Variants in RAMP1 observed in about 807,000 individuals in gnomAD.
RAMP1 encodes the protein receptor activity modifying protein 1.
RAMP1 carries 7 observed loss-of-function variants against 8.2 expected under a neutral mutation model. That is an observed-to-expected ratio of 0.85 (90% CI 0.49 to 1.60). RAMP1 has a LOEUF of 1.60. Among genes scored for constraint, RAMP1 ranks in the 40% most tolerant of loss-of-function variants. The pLI, the probability that RAMP1 is intolerant of heterozygous loss-of-function variation, is 0.00. For missense variants in RAMP1, 192 were observed against 202.4 expected, an observed-to-expected ratio of 0.95 and a Z score of 0.31; for synonymous variants, 92 against 84.7, an observed-to-expected ratio of 1.09 and a Z score of -0.47.
chr2:237,864,131 G>T (rs1442245188), intron 1 of RAMP1, among the ~76,000 whole-genome samples: 1 of 152,098 alleles, frequency 6.6e-6, no homozygotes, highest in African/African-American at 2.4e-5. Context: ...GGGGGCAGGA[G>T]GGGAGGCAGA....
intron 2 of RAMP1, among the ~76,000 whole-genome samples, chr2:237,902,661 G>A (rs554531193): frequency 1.4e-4 from 21 of 152,120 alleles, no homozygotes; most frequent in Admixed American, 2.6e-4. Flanking sequence ...TGCCCTGCAC[G>A]CCTCCCCCAT....
intron 1 of RAMP1, among the ~76,000 whole-genome samples, chr2:237,871,228 G>T (rs527667069): frequency 7.9e-5 from 12 of 152,348 alleles, no homozygotes; most frequent in African/African-American, 2.9e-4. Flanking sequence ...AGAGCACCTT[G>T]GGGCTTCAGC....
chr2:237,910,027 CCCTT>C (rs1225801620), intron 2 of RAMP1, among the ~76,000 whole-genome samples: 5 of 152,198 alleles, frequency 3.3e-5, no homozygotes, highest in African/African-American at 4.8e-5. Flanking sequence ...CACCTCCACT[CCCTT>C]CCTTCTAGCC....
At position 237,900,914 on chromosome 2, in the gene RAMP1, A is replaced by G. The variant is rs192007147; in HGVS notation, c.192-10614A>G. ...TTTGAAAAGCCGGCTGAGTCTCTGT[A>G]GAATAGAACCTTTATCAGACAGTCA... is the stretch of plus-strand genomic sequence containing the variant. On this transcript the variant is annotated intron_variant, in intron 2 of 2. Coordinates refer to ENST00000254661, the MANE Select transcript of RAMP1 (RefSeq NM_005855.4). 4.6e-5 allele frequency among the ~76,000 whole-genome samples: 7 copies of G among 152,362 alleles called. No homozygotes were observed. The East Asian group carries it at 1.3e-3, about 29-fold the overall frequency.
Position 237,911,919 on chromosome 2 carries a change from A to G in RAMP1, c.*136A>G. 7.4e-7 allele frequency: 1 copy of G among 1,344,466 alleles called. No individual in the cohort carries two copies. Among genetic ancestry groups the G allele is most frequent in the Non-Finnish European group, 9.9e-7 (1 of 1,013,700 alleles). 83.3% of individuals were successfully genotyped at this position (1,344,466 alleles called of 1,614,324 possible). On this transcript the variant is annotated 3_prime_UTR_variant, in exon 3 of 3. Transcript: ENST00000254661. ...CTTCTTCCAGCCAAGAAGAGCTCAC[A>G]GGAGTCCAGAGTAGCCGAGGCTCTG...
intron 2 of RAMP1, among the ~76,000 whole-genome samples, chr2:237,910,766 CAGTCACACACAA>C (rs1339771768): frequency 8.2e-6 from 1 of 121,324 alleles, no homozygotes; most frequent in African/African-American, 2.6e-5. Context: ...GTCACACACA[CAGTCACACACAA>C]AATAACAGTC....
In RAMP1 at chr2:237,877,429, G is replaced by A. The variant is rs2062319700; in HGVS notation, c.191+67G>A. On this transcript the variant is annotated intron_variant, in intron 2 of 2. Transcript: ENST00000254661. This position sits in a 1 kb window ranked among gnomAD's most constrained non-coding sequence, Gnocchi z 4.4. ...GGGAGAGGGGGCAAGCGGAGGAGGA[G>A]TGGACCACGTGGGAGCTGTGGAAGA... 1.3e-6 allele frequency: 2 copies of A among 1,554,154 alleles called. No individual in the cohort carries two copies. The highest frequency in any genetic ancestry group is 2.7e-5 in the African/African-American group (2 of 73,664).
rs1232930241 is a variant in RAMP1, at chr2:237,877,355, A to G, written c.184A>G (p.Thr62Ala). ...GETLWCDWGR[T>A]IRSYRELADC... ...GACGCTGTGGTGTGACTGGGGCAGG[A>G]CCATCAGGTGAGTCCCATGGCCCCT... is the stretch of plus-strand genomic sequence containing the variant. The change falls in exon 2 of 3, where the codon ACC becomes GCC. Residue 62 changes from threonine to alanine, a missense_variant. Thr to Ala is a moderately conservative substitution (Grantham distance 58). Transcript: ENST00000254661. The surrounding 1 kb of genome is among the most constrained non-coding windows in gnomAD (Gnocchi z 4.4). The G allele has an allele frequency of 1.2e-6, 2 of 1,612,436 alleles. No homozygotes were observed. Among genetic ancestry groups the G allele is most frequent in the African/African-American group, 1.3e-5 (1 of 75,016 alleles).
intron 1 of RAMP1, among the ~76,000 whole-genome samples, chr2:237,870,853 C>T (rs2062237636): frequency 6.6e-6 from 1 of 152,144 alleles, no homozygotes; most frequent in African/African-American, 2.4e-5. Flanking sequence ...GAGTGAGCAA[C>T]ACGGATGCAA....
chr2:237,889,105 G>A (rs889785853), intron 2 of RAMP1, among the ~76,000 whole-genome samples: 20 of 152,138 alleles, frequency 1.3e-4, no homozygotes, highest in Non-Finnish European at 4.4e-5. Context: ...ATTTGCCATT[G>A]TGCTCTAAAT....
At position 237,862,179 on chromosome 2, in the gene RAMP1, C is replaced by G. The variant is rs1161048053; in HGVS notation, c.52+2452C>G. Among the ~76,000 whole-genome samples the G allele has an allele frequency of 6.6e-6, 1 of 152,086 alleles. No homozygotes were observed. The highest frequency in any genetic ancestry group is 1.9e-4 in the East Asian group (1 of 5,188). ...TGAAATGTATGACTTTATATAAATA[C>G]AAGTAGAATTGGAATGACAGGGACA... On this transcript the variant is annotated intron_variant, in intron 1 of 2. Transcript: ENST00000254661. The surrounding 1 kb of genome is among the most constrained non-coding windows in gnomAD (Gnocchi z 4.0).
intron 2 of RAMP1, among the ~76,000 whole-genome samples, chr2:237,883,560 A>C (rs1315387168): frequency 9.2e-5 from 14 of 152,218 alleles, no homozygotes; most frequent in Admixed American, 9.2e-4. Context: ...TTTCGCCTGT[A>C]ATCCCAACAC....
intron 1 of RAMP1, among the ~76,000 whole-genome samples, chr2:237,863,287 G>T (rs2151001344): frequency 6.6e-6 from 1 of 152,324 alleles, no homozygotes; most frequent in South Asian, 2.1e-4. Context: ...TTTCTTGGTG[G>T]CAAATGAAGA....
intron 2 of RAMP1, among the ~76,000 whole-genome samples, chr2:237,890,359 G>A (rs1324416217): frequency 6.6e-6 from 1 of 151,772 alleles, no homozygotes. Context: ...TCACCACCAC[G>A]CCTGGCTAAT....
At chr2:237,886,852 G>A (rs1034779293) in intron 2 of RAMP1, among the ~76,000 whole-genome samples, 2 of 152,196 alleles carry the variant, frequency 1.3e-5, no homozygotes, top group East Asian at 1.9e-4. Flanking sequence ...ACCAGATCCC[G>A]GCAGTGAGTG....
In RAMP1 at chr2:237,878,629, CCT is replaced by C. The variant is rs2062334160; in HGVS notation, c.191+1270_191+1271del. On this transcript the variant is annotated intron_variant, in intron 2 of 2. Coordinates refer to ENST00000254661, the MANE Select transcript of RAMP1 (RefSeq NM_005855.4). This position sits in a 1 kb window ranked among gnomAD's most constrained non-coding sequence, Gnocchi z 5.7. ...CCTACTGAGATTGGCAGATGAGTGG[CCT>C]CTGTTTTCTCCTCCCACCGGCCATG... is the stretch of plus-strand genomic sequence containing the variant. Among the ~76,000 whole-genome samples, 1 of 152,196 alleles carries C rather than the reference CCT, an allele frequency of 6.6e-6. No homozygotes were observed. The highest frequency in any genetic ancestry group is 1.5e-5 in the Non-Finnish European group (1 of 68,032).
chr2:237,901,497 T>C (rs2062595836), intron 2 of RAMP1, among the ~76,000 whole-genome samples: 1 of 152,188 alleles, frequency 6.6e-6, no homozygotes, highest in Admixed American at 6.5e-5. Context: ...AGGGTGGCCT[T>C]GTGAAGATGA....
chr2:237,881,231 T>C (rs1006333356), intron 2 of RAMP1, among the ~76,000 whole-genome samples: 18 of 152,228 alleles, frequency 1.2e-4, no homozygotes, highest in African/African-American at 4.3e-4. Context: ...TCCTTGTCAG[T>C]GCAGAGGGAG....
chr2:237,908,410 C>CTGGTGGTGGTAGTGGTGGTGGTGGTGG (rs570662154), intron 2 of RAMP1, among the ~76,000 whole-genome samples: 5 of 149,014 alleles, frequency 3.4e-5, no homozygotes, highest in African/African-American at 4.9e-5. Flanking sequence ...GAAGAGACCT[C>CTGGTGGTGGTAGTGGTGGTGGTGGTGG]TGGTGGTGGT....
Sources: gnomAD v4.1 joint callset for allele counts (sites outside exome capture counted in the v4.1 genomes callset) on GRCh38, gnomAD v4.1.1 for gene constraint, Gnocchi (gnomAD v3.1) non-coding constraint, MANE v1.5 for transcripts, NCBI Gene and HGNC (gene_info 2026-07-23, HGNC 2026-07-21) for gene names.